SPRED2: variants seen among roughly 807,000 people sequenced by gnomAD.
SPRED2 encodes sprouty-related, EVH1 domain-containing protein 2.
SPRED2 carries 47 observed loss-of-function variants against 43.0 expected under a neutral mutation model. The observed-to-expected ratio is 1.09, with a 90% CI of 0.87 to 1.40. SPRED2 has a LOEUF of 1.40. SPRED2 is among the 40% of genes most tolerant of loss of function. The probability of loss-of-function intolerance (pLI) is 0.00; values close to 1 mark genes in which losing one functional copy is unlikely to be tolerated. For synonymous variants in SPRED2, 225 were observed against 225.7 expected (o/e 1.00, Z 0.03); for missense variants, 561 against 586.4 (o/e 0.96, Z 0.45).
intron 1 of SPRED2, among the ~76,000 whole-genome samples, chr2:65,418,394 G>C (rs1285802984): frequency 1.3e-5 from 2 of 152,104 alleles, no homozygotes; most frequent in East Asian, 1.9e-4. Context: ...CTTTGGACAT[G>C]AGATGTCTCC....
At chr2:65,412,678 C>T (rs1676190050) in intron 1 of SPRED2, among the ~76,000 whole-genome samples, 1 of 152,092 alleles carries the variant, frequency 6.6e-6, no homozygotes, top group South Asian at 2.1e-4. Context: ...TGAAGACCCC[C>T]CACCCCAAGA....
intron 1 of SPRED2, 83 bp downstream of exon 1, chr2:65,431,879 A>G: frequency 6.5e-7 from 1 of 1,529,438 alleles, no homozygotes; most frequent in South Asian, 1.1e-5. Context: ...TTCACCCAAT[A>G]AGCGTCCCCG....
Position 65,313,396 on chromosome 2 carries a change from C to G in SPRED2, c.*105G>C. The G allele has an allele frequency of 6.7e-7, 1 of 1,502,078 alleles. No individual in the cohort carries two copies. Among genetic ancestry groups the G allele is most frequent in the Non-Finnish European group, 8.8e-7 (1 of 1,132,584 alleles). 93.0% of individuals were successfully genotyped at this position (1,502,078 alleles called of 1,614,324 possible). On this transcript the variant is annotated 3_prime_UTR_variant, in exon 6 of 6. Transcript: ENST00000356388. ...ACCAGGGAGCTGGGAGGCCGCTTGC[C>G]CTCCTCGCTCCTTGGAGTGGAAGGG...
Position 65,432,075 on chromosome 2 carries a change from C to T in SPRED2, c.-88G>A. The T allele has an allele frequency of 6.4e-7, 1 of 1,550,676 alleles. No homozygotes were observed. Among genetic ancestry groups the T allele is most frequent in the East Asian group, 2.3e-5 (1 of 44,244 alleles). ...CGCTCGCCCCCCTTCTTCACATCTCCGGAGATCGCCTGATTTGGGGAGGGG... is the reference window on the plus strand; with the variant it reads ...CGCTCGCCCCCCTTCTTCACATCTCTGGAGATCGCCTGATTTGGGGAGGGG... On this transcript the variant is annotated 5_prime_UTR_variant, in exon 1 of 6. Coordinates refer to ENST00000356388, the MANE Select transcript of SPRED2 (RefSeq NM_181784.3).
chr2:65,332,972 G>T (rs897297194), intron 3 of SPRED2, among the ~76,000 whole-genome samples: 1 of 152,100 alleles, frequency 6.6e-6, no homozygotes, highest in Non-Finnish European at 1.5e-5. Flanking sequence ...TATGCATTTA[G>T]AAAATATTTT....
At chr2:65,329,371 T>C (rs139665266) in intron 4 of SPRED2, among the ~76,000 whole-genome samples, 84 of 152,360 alleles carry the variant, frequency 5.5e-4, no homozygotes, top group Non-Finnish European at 9.8e-4. Flanking sequence ...GCCTAATTAC[T>C]GGGCTTTTCT....
intron 1 of SPRED2, among the ~76,000 whole-genome samples, chr2:65,420,697 C>G (rs1407826443): frequency 6.6e-6 from 1 of 152,184 alleles, no homozygotes; most frequent in African/African-American, 2.4e-5. Flanking sequence ...ACATTCATTT[C>G]ATTTAAGTGC....
chr2:65,356,099 A>G (rs1200613650), intron 1 of SPRED2, among the ~76,000 whole-genome samples: 1 of 152,240 alleles, frequency 6.6e-6, no homozygotes. Context: ...TTGAACTCCT[A>G]TGCCTGACTT....
chr2:65,307,601 T>A (rs1249463258), downstream of SPRED2, among the ~76,000 whole-genome samples: 1 of 150,684 alleles, frequency 6.6e-6, no homozygotes, highest in African/African-American at 2.4e-5. Context: ...CCAGGTATGA[T>A]TATCACATAA....
intron 1 of SPRED2, among the ~76,000 whole-genome samples, chr2:65,372,010 T>C (rs1246969152): frequency 6.6e-6 from 1 of 151,842 alleles, no homozygotes; most frequent in Non-Finnish European, 1.5e-5. Context: ...GAAGCAGAGG[T>C]TGCAGTGAAC....
At chr2:65,359,287 G>T (rs540477500) in intron 1 of SPRED2, among the ~76,000 whole-genome samples, 1 of 152,262 alleles carries the variant, frequency 6.6e-6, no homozygotes, top group Non-Finnish European at 1.5e-5. Flanking sequence ...TTACTTTCCT[G>T]ACATAAAAGA....
chr2:65,326,712 C>G (rs1293322345), intron 4 of SPRED2, among the ~76,000 whole-genome samples: 3 of 152,248 alleles, frequency 2.0e-5, no homozygotes, highest in African/African-American at 7.2e-5. Context: ...CACTATAGCT[C>G]TGGCTGGTCT....
At chr2:65,425,414 A>G (rs1037656818) in intron 1 of SPRED2, among the ~76,000 whole-genome samples, 3 of 152,268 alleles carry the variant, frequency 2.0e-5, no homozygotes, top group African/African-American at 7.2e-5. Context: ...TAAATATTCA[A>G]CTACCCTTTG....
At chr2:65,379,433 A>G (rs1675320255) in intron 1 of SPRED2, among the ~76,000 whole-genome samples, 1 of 152,080 alleles carries the variant, frequency 6.6e-6, no homozygotes, top group South Asian at 2.1e-4. Context: ...TCTCCTCACA[A>G]AGAGACTGGG....
intron 1 of SPRED2, among the ~76,000 whole-genome samples, chr2:65,392,614 G>C (rs956160516): frequency 6.6e-6 from 1 of 152,070 alleles, no homozygotes; most frequent in East Asian, 1.9e-4. Context: ...TAAAATGTGA[G>C]GTCAAGCTCT....
At chr2:65,320,987 T>C (rs1328958259) in intron 4 of SPRED2, among the ~76,000 whole-genome samples, 2 of 152,172 alleles carry the variant, frequency 1.3e-5, no homozygotes, top group Non-Finnish European at 2.9e-5. Flanking sequence ...CCTACCAACC[T>C]ACCAATCTGA....
At chr2:65,401,934 C>CGCGT (rs1553426603) in intron 1 of SPRED2, among the ~76,000 whole-genome samples, 53 of 108,312 alleles carry the variant, frequency 4.9e-4, no homozygotes, top group African/African-American at 2.2e-3. Context: ...TTAGCGCGCG[C>CGCGT]GCGCACACAC....
At chr2:65,381,335 G>A (rs1462371526) in intron 1 of SPRED2, among the ~76,000 whole-genome samples, 5 of 152,164 alleles carry the variant, frequency 3.3e-5, no homozygotes, top group Non-Finnish European at 7.3e-5. Context: ...GGCTGGTCTA[G>A]GCAGTGCAGA....
downstream of SPRED2, among the ~76,000 whole-genome samples, chr2:65,307,958 C>T (rs895664035): frequency 6.6e-6 from 1 of 152,066 alleles, no homozygotes; most frequent in Non-Finnish European, 1.5e-5. Flanking sequence ...CCGCCCCCCC[C>T]ATTCACACAG....
Sources: gnomAD v4.1 joint callset for allele counts (sites outside exome capture counted in the v4.1 genomes callset) on GRCh38, gnomAD v4.1.1 for gene constraint, MANE v1.5 for transcripts, NCBI Gene and HGNC (gene_info 2026-07-23, HGNC 2026-07-21) for gene names.